The following COMMD10 variants were observed in gnomAD, a reference collection of about 807,000 sequenced individuals.
COMMD10 encodes the protein COMM domain-containing protein 10.
A neutral mutation model predicts 28.9 loss-of-function variants in COMMD10; 33 were observed. The ratio of observed to expected loss-of-function variants is 1.14; its 90% CI spans 0.87 to 1.53. The LOEUF (loss-of-function observed/expected upper bound fraction) is 1.53, where lower values mean the gene tolerates loss of function less well. Among genes scored for constraint, COMMD10 ranks in the 40% most tolerant of loss-of-function variants. The pLI is 0.00. For synonymous variants in COMMD10, 110 were observed against 81.7 expected (o/e 1.35, Z -1.87); for missense variants, 310 against 233.4 (o/e 1.33, Z -2.14).
rs564755767 is a variant in COMMD10, at chr5:116,204,702, A to G, written c.510+70524A>G. Among the ~76,000 whole-genome samples, 396 of 152,282 alleles carry G rather than the reference A, an allele frequency of 2.6e-3. 1 individual carries two copies. The highest frequency in any genetic ancestry group is 4.5e-3 in the Non-Finnish European group (303 of 68,014). ...ATATGCTGAATACAAATTCAGCACC[A>G]TAATTAAATTGCAAAGTTTAACATT... On this transcript the variant is annotated intron_variant, in intron 5 of 6. Transcript: ENST00000274458.
At chr5:116,284,659 G>A (rs1751171052) in intron 5 of COMMD10, among the ~76,000 whole-genome samples, 1 of 151,854 alleles carries the variant, frequency 6.6e-6, no homozygotes, top group African/African-American at 2.4e-5. Flanking sequence ...ACTTTAACCA[G>A]GAGTTTCTAC....
chr5:116,285,167 A>G (rs969216532), intron 5 of COMMD10, among the ~76,000 whole-genome samples: 1 of 151,950 alleles, frequency 6.6e-6, no homozygotes, highest in Non-Finnish European at 1.5e-5. Flanking sequence ...GTAAGACCTG[A>G]AACAAGAGTA....
chr5:116,264,576 C>A (rs190388381), intron 5 of COMMD10, among the ~76,000 whole-genome samples: 1 of 151,972 alleles, frequency 6.6e-6, no homozygotes, highest in Admixed American at 6.6e-5. Context: ...CAAGTCAAGG[C>A]TTAATTTGAA....
chr5:116,187,204 C>T (rs1025546229), intron 5 of COMMD10, among the ~76,000 whole-genome samples: 1 of 151,984 alleles, frequency 6.6e-6, no homozygotes, highest in African/African-American at 2.4e-5. Flanking sequence ...CTTTTCAGCT[C>T]CTAATGCTGT....
At chr5:116,268,867 T>C (rs1047003473) in intron 5 of COMMD10, among the ~76,000 whole-genome samples, 1 of 151,374 alleles carries the variant, frequency 6.6e-6, no homozygotes, top group Admixed American at 6.6e-5. Flanking sequence ...AAACACCGCA[T>C]ATTCTCACTC....
chr5:116,256,021 A>G (rs1022005138), intron 5 of COMMD10, among the ~76,000 whole-genome samples: 3 of 151,628 alleles, frequency 2.0e-5, no homozygotes, highest in African/African-American at 4.9e-5. Flanking sequence ...TTCGTATTCA[A>G]TCTCAGCTAA....
intron 1 of COMMD10, among the ~76,000 whole-genome samples, chr5:116,087,242 C>T (rs1354969354): frequency 1.3e-5 from 2 of 152,104 alleles, no homozygotes; most frequent in African/African-American, 4.8e-5. Context: ...CAAGGTTTCC[C>T]TAGTAGTTTG....
At chr5:116,158,863 C>T (rs3072984) in intron 5 of COMMD10, among the ~76,000 whole-genome samples, 46,915 of 146,346 alleles carry the variant, frequency 0.32, 10,362 homozygotes, top group African/African-American at 0.65. Flanking sequence ...TTTTTTTTTT[C>T]CCCCCCTGAG....
intron 5 of COMMD10, among the ~76,000 whole-genome samples, chr5:116,190,321 T>C (rs915813073): frequency 5.3e-5 from 8 of 152,152 alleles, no homozygotes; most frequent in Non-Finnish European, 1.0e-4. Context: ...AGCTAAAATA[T>C]ATGATTAATT....
chr5:116,206,278 G>A (rs1748811474), intron 5 of COMMD10, among the ~76,000 whole-genome samples: 1 of 152,140 alleles, frequency 6.6e-6, no homozygotes, highest in African/African-American at 2.4e-5. Context: ...AGTTGAAACA[G>A]CAGTTTCCAT....
intron 4 of COMMD10, among the ~76,000 whole-genome samples, chr5:116,108,492 A>G (rs1580450844): frequency 6.6e-6 from 1 of 152,292 alleles, no homozygotes; most frequent in African/African-American, 2.4e-5. Context: ...TTACACTGTG[A>G]GGGTAAAACC....
chr5:116,152,669 T>TA (rs76410399), intron 5 of COMMD10, among the ~76,000 whole-genome samples: 3,869 of 152,212 alleles, frequency 0.025, 97 homozygotes, highest in East Asian at 0.14. Context: ...TGCTGCTAGT[T>TA]ACAGCATGGT....
intron 5 of COMMD10, among the ~76,000 whole-genome samples, chr5:116,224,412 G>A (rs918394521): frequency 5.3e-5 from 8 of 152,252 alleles, no homozygotes; most frequent in African/African-American, 1.9e-4. Flanking sequence ...ACAAAGGAAT[G>A]ATATTTATTT....
chr5:116,123,608 C>T (rs1489269576), intron 4 of COMMD10, among the ~76,000 whole-genome samples: 2 of 152,136 alleles, frequency 1.3e-5, no homozygotes, highest in Non-Finnish European at 2.9e-5. Context: ...AGGATTCCCT[C>T]TTTTTCTGTT....
At chr5:116,183,947 A>G (rs1262034324) in intron 5 of COMMD10, among the ~76,000 whole-genome samples, 2 of 152,166 alleles carry the variant, frequency 1.3e-5, no homozygotes, top group African/African-American at 4.8e-5. Flanking sequence ...ATTTTAAACA[A>G]AATATAAATA....
chr5:116,099,344 A>G (rs1193174703), intron 4 of COMMD10, among the ~76,000 whole-genome samples: 2 of 151,804 alleles, frequency 1.3e-5, no homozygotes, highest in Non-Finnish European at 2.9e-5. Flanking sequence ...TTATCTGTTC[A>G]TTTGTTGACA....
intron 5 of COMMD10, among the ~76,000 whole-genome samples, chr5:116,196,473 C>CTG (rs1748524862): frequency 6.6e-6 from 1 of 151,448 alleles, no homozygotes; most frequent in South Asian, 2.1e-4. Context: ...CGAATACCAC[C>CTG]TGTACCCCAG....
chr5:116,205,238 A>C (rs554108371), intron 5 of COMMD10, among the ~76,000 whole-genome samples: 1 of 152,204 alleles, frequency 6.6e-6, no homozygotes. Context: ...AGCAAACAGA[A>C]TTTTTTTCAT....
intron 5 of COMMD10, among the ~76,000 whole-genome samples, chr5:116,274,255 T>C (rs1212136857): frequency 6.6e-6 from 1 of 151,870 alleles, no homozygotes; most frequent in Non-Finnish European, 1.5e-5. Context: ...TAGGTCACTT[T>C]TGGTAAATAG....
Sources: gnomAD v4.1 joint callset for allele counts (sites outside exome capture counted in the v4.1 genomes callset) on GRCh38, gnomAD v4.1.1 for gene constraint, MANE v1.5 for transcripts, NCBI Gene and HGNC (gene_info 2026-07-23, HGNC 2026-07-21) for gene names.